MOGAT2: variants seen among roughly 807,000 people sequenced by gnomAD.
The protein encoded by MOGAT2 is monoacylglycerol O-acyltransferase 2, also known as 2-acylglycerol O-acyltransferase 2.
MOGAT2 carries 27 observed loss-of-function variants against 31.5 expected under a neutral mutation model. The ratio of observed to expected loss-of-function variants is 0.86; its 90% CI spans 0.63 to 1.18. MOGAT2 has a LOEUF of 1.18. Among genes scored for constraint, MOGAT2 ranks in the 50% most tolerant of loss-of-function variants. The pLI is 0.00. For missense variants in MOGAT2, 436 were observed against 433.2 expected, an observed-to-expected ratio of 1.01 and a Z score of -0.06; for synonymous variants, 163 against 170.0, an observed-to-expected ratio of 0.96 and a Z score of 0.32.
rs981932376 is a variant in MOGAT2 at position 75,720,133 on chromosome 11, C to T, written c.233C>T (p.Thr78Ile). 22 of 1,613,866 alleles carry T rather than the reference C, an allele frequency of 1.4e-5. No individual in the cohort carries two copies. The highest frequency in any genetic ancestry group is 4.0e-5 in the African/African-American group (3 of 74,862). The change falls in exon 2 of 6, where the codon ACT (threonine) becomes ATT (isoleucine). Residue 78 changes from threonine (T) to isoleucine (I), a missense_variant. By Grantham distance (89) the Thr-to-Ile change is moderately conservative. Transcript: ENST00000198801. The part of the protein sequence containing the change: ...GRHIQAIRCW[T>I]IWKYMKDYFP... The stretch of plus-strand genomic sequence containing the variant: ...CACATCCAGGCCATCAGGTGCTGGA[C>T]TATATGGAAGTACATGAAGGACTAT...
intron 2 of MOGAT2, among the ~76,000 whole-genome samples, chr11:75,720,444 G>A: frequency 6.6e-6 from 1 of 152,182 alleles, no homozygotes; most frequent in East Asian, 1.9e-4. Context: ...TATGGTGTGA[G>A]GCATGCCTAT....
intron 2 of MOGAT2, among the ~76,000 whole-genome samples, chr11:75,725,830 C>T (rs1332840936): frequency 6.6e-6 from 1 of 152,194 alleles, no homozygotes; most frequent in Admixed American, 6.5e-5. Context: ...GTGCACATTG[C>T]AGGGCCTGGG....
At chr11:75,721,700 T>A (rs1385604375) in intron 2 of MOGAT2, among the ~76,000 whole-genome samples, 1 of 152,172 alleles carries the variant, frequency 6.6e-6, no homozygotes, top group African/African-American at 2.4e-5. Context: ...GCCCAAGCCC[T>A]GCTGCTCTGA....
At chr11:75,721,339 A>G (rs1374792045) in intron 2 of MOGAT2, among the ~76,000 whole-genome samples, 6 of 151,862 alleles carry the variant, frequency 4.0e-5, no homozygotes, top group Non-Finnish European at 7.4e-5. Context: ...CTGGAGTGCA[A>G]TGGCACGATC....
rs554620597 is a variant in MOGAT2 at position 75,728,131 on chromosome 11, G to T, written c.637G>T (p.Ala213Ser). The T allele has an allele frequency of 1.9e-6, 3 of 1,613,194 alleles. No individual in the cohort carries two copies. The highest frequency in any genetic ancestry group is 2.5e-6 in the Non-Finnish European group (3 of 1,179,606). ...LRNRKGFVRL[A>S]LTHGAPLVPI... ...GAACCGAAAGGGCTTCGTCAGGCTC[G>T]CCCTGACACACGGGTATCAAGCCTC... Residue 213 changes from alanine to serine, a missense_variant, in exon 4 of 6, where the codon GCC (alanine) becomes TCC (serine). Ala to Ser is a moderately conservative substitution (Grantham distance 99). Transcript: ENST00000198801.
At chr11:75,723,917 C>T (rs997946389) in intron 2 of MOGAT2, among the ~76,000 whole-genome samples, 30 of 152,254 alleles carry the variant, frequency 2.0e-4, no homozygotes, top group African/African-American at 5.8e-4. Context: ...ACACTCCCCT[C>T]GCCTAACAGA....
chr11:75,728,957 T>C lies in MOGAT2; in HGVS notation c.818T>C (p.Leu273Ser), dbSNP rs1238514093. Residue 273 changes from leucine (L) to serine (S), a missense_variant, in exon 5 of 6, where the codon TTA (leucine) becomes TCA (serine). By Grantham distance (145) the Leu-to-Ser change is moderately radical. Coordinates refer to ENST00000198801, the MANE Select transcript of MOGAT2 (RefSeq NM_025098.4). The stretch of plus-strand genomic sequence containing the variant: ...GGTGTCTTCCAGTACAGCTTTGGTT[T>C]AATACCCTACCGCCGGCCCATCACC... ...GRGVFQYSFG[L>S]IPYRRPITTV... The C allele has an allele frequency of 6.2e-7, 1 of 1,614,044 alleles. No homozygotes were observed. Among genetic ancestry groups the C allele is most frequent in the East Asian group, 2.2e-5 (1 of 44,876 alleles).
chr11:75,727,776 A>G (rs1415726897), intron 3 of MOGAT2, 137 bp downstream of exon 3: 2 of 1,051,186 alleles, frequency 1.9e-6, no homozygotes, highest in Non-Finnish European at 2.8e-6. Flanking sequence ...CTACAGCACC[A>G]TGCTGGGCGC....
rs1302448639 is a variant in MOGAT2, at chr11:75,732,909, A to G, written c.*1623A>G. Reference sequence around the variant, plus strand: ...TGCACTCCCTCCAGCCTACCCACAAACAGGACCTGCATCCTGTCTCACAAA... The same window carrying G: ...TGCACTCCCTCCAGCCTACCCACAAGCAGGACCTGCATCCTGTCTCACAAA... On this transcript the variant is annotated 3_prime_UTR_variant, in exon 6 of 6. Coordinates refer to ENST00000198801, the MANE Select transcript of MOGAT2 (RefSeq NM_025098.4). 1 of 152,142 alleles carries G rather than the reference A, an allele frequency of 6.6e-6. No individual in the cohort carries two copies. Among genetic ancestry groups the G allele is most frequent in the African/African-American group, 2.4e-5 (1 of 41,362 alleles). The allele number at this position is 152,142 out of a possible 1,614,324, so 9.4% of individuals were successfully genotyped here. A position where few individuals can be genotyped will look rare whatever the true frequency, so the allele number is the denominator to read the frequency against.
chr11:75,723,110 C>T (rs79748081), intron 2 of MOGAT2, among the ~76,000 whole-genome samples: 4,205 of 151,964 alleles, frequency 0.028, 85 homozygotes, highest in Non-Finnish European at 0.042. Flanking sequence ...TACAGGTGCC[C>T]GCCACCACTC....
At chr11:75,724,837 C>T (rs1031973585) in intron 2 of MOGAT2, among the ~76,000 whole-genome samples, 8 of 152,194 alleles carry the variant, frequency 5.3e-5, no homozygotes, top group African/African-American at 1.9e-4. Flanking sequence ...ACTCTCCACA[C>T]ATTGTCCCCC....
At chr11:75,730,548 G>A (rs972933896) in intron 5 of MOGAT2, among the ~76,000 whole-genome samples, 1 of 152,178 alleles carries the variant, frequency 6.6e-6, no homozygotes, top group African/African-American at 2.4e-5. Flanking sequence ...GGAATGACAG[G>A]TTTTTATACC....
At chr11:75,727,794 A>G (rs1010448713) in intron 3 of MOGAT2, among the ~76,000 whole-genome samples, 155 bp downstream of exon 3, 1 of 152,190 alleles carries the variant, frequency 6.6e-6, no homozygotes, top group Non-Finnish European at 1.5e-5. Context: ...CGCTGAGTCC[A>G]TCAGGGGGTT....
chr11:75,727,736 A>G (rs1944434441), intron 3 of MOGAT2, 97 bp downstream of exon 3: 10 of 1,294,132 alleles, frequency 7.7e-6, no homozygotes, highest in African/African-American at 3.0e-5. Context: ...GTGCAGTAGG[A>G]GAAGGAGGCT....
At chr11:75,724,428 C>T (rs570755062) in intron 2 of MOGAT2, among the ~76,000 whole-genome samples, 1 of 152,272 alleles carries the variant, frequency 6.6e-6, no homozygotes, top group East Asian at 1.9e-4. Flanking sequence ...GCAGACCACA[C>T]CTCAGTATCC....
intron 2 of MOGAT2, among the ~76,000 whole-genome samples, chr11:75,725,863 G>A (rs911405837): frequency 2.6e-5 from 4 of 152,206 alleles, no homozygotes; most frequent in Admixed American, 1.3e-4. Context: ...GGAGCCTCCC[G>A]ATGGGGTATG....
At chr11:75,720,743 C>G (rs1944370044) in intron 2 of MOGAT2, among the ~76,000 whole-genome samples, 1 of 152,112 alleles carries the variant, frequency 6.6e-6, no homozygotes, top group African/African-American at 2.4e-5. Context: ...AAAGCTTTAT[C>G]CTGTTCTGAG....
At chr11:75,718,434 G>A (rs1944348649) in intron 1 of MOGAT2, among the ~76,000 whole-genome samples, 1 of 152,176 alleles carries the variant, frequency 6.6e-6, no homozygotes, top group Non-Finnish European at 1.5e-5. Flanking sequence ...GGGAGAAGGT[G>A]CAGACTGAGA....
At chr11:75,718,080 A>G in intron 1 of MOGAT2, 101 bp downstream of exon 1, 2 of 1,192,010 alleles carry the variant, frequency 1.7e-6, no homozygotes, top group South Asian at 1.3e-5. Context: ...CAAGACATTT[A>G]TCCTAAAGGG....
Sources: gnomAD v4.1 joint callset for allele counts (sites outside exome capture counted in the v4.1 genomes callset) on GRCh38, gnomAD v4.1.1 for gene constraint, MANE v1.5 for transcripts, NCBI Gene and HGNC (gene_info 2026-07-23, HGNC 2026-07-21) for gene names.